IQGAP2: variants seen among roughly 807,000 people sequenced by gnomAD.
IQGAP2 encodes the protein IQ motif containing GTPase activating protein 2, also known as ras GTPase-activating-like protein IQGAP2.
Under a neutral mutation model 201.3 loss-of-function variants are expected in IQGAP2, and 173 were observed. That is an observed-to-expected ratio of 0.86 (90% CI 0.76 to 0.98). The LOEUF (loss-of-function observed/expected upper bound fraction) is 0.98, where lower values mean the gene tolerates loss of function less well. Ranked by LOEUF, IQGAP2 falls within the 50% of genes least tolerant of loss-of-function variation. IQGAP2 has a pLI of 0.00. For synonymous variants in IQGAP2, 675 were observed against 673.9 expected (o/e 1.00, Z -0.03); for missense variants, 1,687 against 1,864.8 (o/e 0.90, Z 1.76).
intron 34 of IQGAP2, among the ~76,000 whole-genome samples, 183 bp from the exon 35 acceptor site, chr5:76,702,299 C>G (rs1747473808): frequency 6.6e-6 from 1 of 152,176 alleles, no homozygotes; most frequent in Admixed American, 6.5e-5. Flanking sequence ...CAATAGCCAT[C>G]AAACCTAGTG....
intron 28 of IQGAP2, among the ~76,000 whole-genome samples, chr5:76,678,914 C>T (rs1745057043): frequency 6.6e-6 from 1 of 152,152 alleles, no homozygotes; most frequent in African/African-American, 2.4e-5. Context: ...CAGGGAACTT[C>T]CCTGACATTT....
At chr5:76,644,476 T>C (rs1751871006) in intron 17 of IQGAP2, among the ~76,000 whole-genome samples, 1 of 151,782 alleles carries the variant, frequency 6.6e-6, no homozygotes, top group South Asian at 2.1e-4. Context: ...ATTTTGGTAT[T>C]TTTTATAGAG....
chr5:76,671,176 G>A (rs539172980), intron 23 of IQGAP2, among the ~76,000 whole-genome samples: 3 of 152,132 alleles, frequency 2.0e-5, no homozygotes, highest in Non-Finnish European at 4.4e-5. Flanking sequence ...TAGGAGAATC[G>A]CTTGAACCCT....
chr5:76,422,973 T>C (rs901290771), intron 1 of IQGAP2, among the ~76,000 whole-genome samples: 7 of 152,220 alleles, frequency 4.6e-5, no homozygotes, highest in Non-Finnish European at 1.0e-4. Flanking sequence ...TTGCCCAAGG[T>C]ACAGCTAGTA....
chr5:76,464,231 G>A (rs753329187), intron 2 of IQGAP2, among the ~76,000 whole-genome samples: 1 of 152,186 alleles, frequency 6.6e-6, no homozygotes, highest in Non-Finnish European at 1.5e-5. Flanking sequence ...ACATATAGTT[G>A]TGCTGATTTA....
intron 2 of IQGAP2, among the ~76,000 whole-genome samples, chr5:76,489,992 C>T (rs1756439561): frequency 6.6e-6 from 1 of 152,180 alleles, no homozygotes; most frequent in African/African-American, 2.4e-5. Flanking sequence ...GCCCTTGACA[C>T]AGTATGTGAA....
rs759135990 is a variant in IQGAP2, at chr5:76,522,472, C to T, written c.147-39924C>T. Among the ~76,000 whole-genome samples, 5 of 152,250 alleles carry T rather than the reference C, an allele frequency of 3.3e-5. No individual in the cohort carries two copies. The East Asian group carries it at 5.8e-4, about 18-fold the overall frequency. ...TGCTGGGATTATGGGCATGAGCCAC[C>T]GCGCCTGGCCATTTAACAGCTTAAG... On this transcript the variant is annotated intron_variant, in intron 2 of 35. Transcript: ENST00000274364.
intron 12 of IQGAP2, among the ~76,000 whole-genome samples, chr5:76,610,060 C>CTCTCTG (rs1748161664): frequency 2.6e-4 from 1 of 3,778 alleles, no homozygotes; most frequent in South Asian, 5.4e-3. Flanking sequence ...TTCTCTCTCT[C>CTCTCTG]TCTCTCTCTC....
At chr5:76,570,440 T>A (rs953579213) in intron 3 of IQGAP2, 140 bp from the exon 4 acceptor site, 12 of 652,184 alleles carry the variant, frequency 1.8e-5, no homozygotes, top group Non-Finnish European at 3.3e-5. Flanking sequence ...ACGCCTCTGT[T>A]TGCTTTATGT....
chr5:76,443,395 A>G (rs1240460994), intron 1 of IQGAP2, among the ~76,000 whole-genome samples: 8 of 152,096 alleles, frequency 5.3e-5, no homozygotes, highest in Non-Finnish European at 1.2e-4. Context: ...ATGAGACGGG[A>G]AGATCATTTG....
At chr5:76,628,835 A>C (rs1197113831) in intron 14 of IQGAP2, 1 of 411,382 alleles carries the variant, frequency 2.4e-6, no homozygotes, top group African/African-American at 2.1e-5. Context: ...GAAAAAAATA[A>C]TGAAGTGGAG....
In IQGAP2 at chr5:76,671,992, A is replaced by ACCAGGCATTG; in HGVS notation, c.3068+9_3068+10insCCAGGCATTG. On this transcript the variant is annotated intron_variant, in intron 24 of 35. Coordinates refer to ENST00000274364, the MANE Select transcript of IQGAP2 (RefSeq NM_006633.5). The stretch of plus-strand genomic sequence containing the variant: ...CAGACTGGAGAGGCCAGGTAATAGA[A>ACCAGGCATTG]TCAGGAAGGTGTTGGTCTTCTGTTA... 1 of 1,580,444 alleles carries ACCAGGCATTG rather than the reference A, an allele frequency of 6.3e-7. No individual in the cohort carries two copies. The highest frequency in any genetic ancestry group is 8.7e-7 in the Non-Finnish European group (1 of 1,150,628).
intron 1 of IQGAP2, among the ~76,000 whole-genome samples, chr5:76,445,739 C>T (rs1321392276): frequency 6.6e-6 from 1 of 152,202 alleles, no homozygotes; most frequent in Non-Finnish European, 1.5e-5. Flanking sequence ...GCTGGGATTA[C>T]AGATGTGAGC....
At chr5:76,445,053 G>T (rs1043874100) in intron 1 of IQGAP2, among the ~76,000 whole-genome samples, 9 of 152,184 alleles carry the variant, frequency 5.9e-5, no homozygotes, top group African/African-American at 2.2e-4. Flanking sequence ...TCTATGTGAT[G>T]AGCCCTTTGA....
chr5:76,694,708 C>T (rs1041233673), intron 31 of IQGAP2, among the ~76,000 whole-genome samples: 2 of 152,182 alleles, frequency 1.3e-5, no homozygotes, highest in Admixed American at 6.5e-5. Flanking sequence ...ATTGACCTAC[C>T]TGTCCTGTGT....
chr5:76,629,216 A>G (rs866711145), intron 14 of IQGAP2, among the ~76,000 whole-genome samples: 4 of 152,198 alleles, frequency 2.6e-5, no homozygotes, highest in Admixed American at 1.3e-4. Flanking sequence ...TATATCTTAA[A>G]CAGCAAAAAA....
intron 30 of IQGAP2, among the ~76,000 whole-genome samples, chr5:76,687,584 T>G (rs1306327912): frequency 2.6e-5 from 4 of 152,176 alleles, no homozygotes; most frequent in Admixed American, 1.3e-4. Flanking sequence ...CAAGTGAAGC[T>G]TCATCCTGTA....
intron 16 of IQGAP2, among the ~76,000 whole-genome samples, chr5:76,640,481 G>A (rs462315): frequency 0.62 from 93,998 of 152,006 alleles, 29,233 homozygotes; most frequent in South Asian, 0.78. Flanking sequence ...GCCACAGCTC[G>A]TTACAGGGGT....
rs566221206 is a variant in IQGAP2 at position 76,671,709 on chromosome 5, A to G, written c.2844-50A>G. The G allele has an allele frequency of 8.6e-4, 1,001 of 1,163,764 alleles. 7 individuals carry two copies. The African/African-American group carries it at 0.014, about 16-fold the overall frequency. 72.1% of individuals were successfully genotyped at this position (1,163,764 alleles called of 1,614,324 possible). A position where few individuals can be genotyped will look rare whatever the true frequency, so the allele number is the denominator to read the frequency against. ...TCGGGGAAAAAAAAAAAAAAAAAAA[A>G]TCTGTATCCATGGAAGCAAACCATT... On this transcript the variant is annotated intron_variant, in intron 23 of 35. Transcript: ENST00000274364.
Sources: gnomAD v4.1 joint callset for allele counts (sites outside exome capture counted in the v4.1 genomes callset) on GRCh38, gnomAD v4.1.1 for gene constraint, MANE v1.5 for transcripts, NCBI Gene and HGNC (gene_info 2026-07-23, HGNC 2026-07-21) for gene names.